The following MKX variants were observed in gnomAD, a reference collection of about 807,000 sequenced individuals.
MKX encodes the protein mohawk homeobox, also known as homeobox protein Mohawk.
In MKX, 13 loss-of-function variants were observed where a neutral mutation model predicts 36.0. The observed-to-expected ratio is 0.36, with a 90% CI of 0.24 to 0.57. The LOEUF (loss-of-function observed/expected upper bound fraction) is 0.57, where lower values mean the gene tolerates loss of function less well. Among genes scored for constraint, MKX ranks in the 20% least tolerant of loss-of-function variants. The pLI is 0.79. For missense variants in MKX, 458 were observed against 456.4 expected (o/e 1.00, Z -0.03); for synonymous variants, 176 against 178.3 (o/e 0.99, Z 0.10).
intron 5 of MKX, among the ~76,000 whole-genome samples, chr10:27,681,707 G>A (rs146887247): frequency 5.5e-4 from 83 of 152,044 alleles, no homozygotes; most frequent in African/African-American, 1.9e-3. Context: ...ATCACTTGAG[G>A]CCAGGAGTTC....
chr10:27,732,019 G>A (rs1266351230), intron 5 of MKX, among the ~76,000 whole-genome samples: 1 of 152,008 alleles, frequency 6.6e-6, no homozygotes, highest in East Asian at 1.9e-4. Flanking sequence ...ATGCACATTT[G>A]TACTGTCATA....
At chr10:27,713,252 C>A (rs1400392385) in intron 5 of MKX, among the ~76,000 whole-genome samples, 1 of 152,146 alleles carries the variant, frequency 6.6e-6, no homozygotes, top group Non-Finnish European at 1.5e-5. Context: ...TAAGGGATTG[C>A]TATTTAGATC....
intron 5 of MKX, among the ~76,000 whole-genome samples, chr10:27,685,039 C>T (rs1836318531): frequency 6.6e-6 from 1 of 152,156 alleles, no homozygotes; most frequent in Admixed American, 6.5e-5. Context: ...GTGACAGCAC[C>T]ACCACCCTTA....
intron 5 of MKX, among the ~76,000 whole-genome samples, chr10:27,730,856 C>T (rs909623138): frequency 2.0e-5 from 3 of 151,544 alleles, no homozygotes; most frequent in Admixed American, 1.3e-4. Flanking sequence ...CCTTGGCAGC[C>T]GGGCGCGGTG....
intron 5 of MKX, among the ~76,000 whole-genome samples, chr10:27,695,464 G>A (rs1218090828): frequency 6.6e-6 from 1 of 151,966 alleles, no homozygotes; most frequent in Non-Finnish European, 1.5e-5. Context: ...TATTTTCCAT[G>A]CACTCAGTAA....
At position 27,733,856 on chromosome 10, in the gene MKX, A is replaced by G. The variant is rs568438652; in HGVS notation, c.838+600T>C. ...GAAGGAAAGTAAAATTTTAAAAGCT[A>G]TTTTTCATCCCTGCTTATGCTTTTC... On this transcript the variant is annotated intron_variant, in intron 5 of 6. Coordinates refer to ENST00000419761, the MANE Select transcript of MKX (RefSeq NM_173576.3). Among the ~76,000 whole-genome samples the G allele has an allele frequency of 9.2e-5, 14 of 152,248 alleles. No homozygotes were observed. The East Asian group carries it at 2.5e-3, about 27-fold the overall frequency.
rs1218764229 is a variant in MKX at position 27,673,050 on chromosome 10, A to T, written c.*2179T>A. 2.0e-5 allele frequency: 3 copies of T among 152,218 alleles called. No individual in the cohort carries two copies. The highest frequency in any genetic ancestry group is 7.2e-5 in the African/African-American group (3 of 41,452). The allele number at this position is 152,218 out of a possible 1,614,324, so 9.4% of individuals were successfully genotyped here. ...GCTCAGCATTGTTCAAGATTCTTTT[A>T]AAGGACTGGGGGGATTTTAATATCC... On this transcript the variant is annotated 3_prime_UTR_variant, in exon 7 of 7. Transcript: ENST00000419761.
At chr10:27,678,721 A>T (rs947934237) in intron 5 of MKX, among the ~76,000 whole-genome samples, 1 of 152,186 alleles carries the variant, frequency 6.6e-6, no homozygotes, top group Non-Finnish European at 1.5e-5. Flanking sequence ...GCTTCTATTT[A>T]AGATGAGGAG....
At chr10:27,721,528 G>A (rs1056703195) in intron 5 of MKX, among the ~76,000 whole-genome samples, 11 of 152,194 alleles carry the variant, frequency 7.2e-5, no homozygotes, top group African/African-American at 2.4e-4. Flanking sequence ...TGCAGGAACA[G>A]AAAACCAAAC....
rs769671412 is a variant in MKX at position 27,675,379 on chromosome 10, C to T, written c.909G>A (p.Thr303=). ...TAGCTGCGTTGATCTCCTTCCAATA[C>T]GTGTCATCCTTGCTTGGTCCTTTTC... ...ANRKGPSKDD[T]YWKEINAAMA... is the part of the protein sequence containing the mutation. The change falls in exon 7 of 7, where the codon ACG becomes ACA. Residue 303 remains threonine, a synonymous_variant. Coordinates refer to ENST00000419761, the MANE Select transcript of MKX (RefSeq NM_173576.3). 4.3e-6 allele frequency: 7 copies of T among 1,614,198 alleles called. No individual in the cohort carries two copies. In the Admixed American group the frequency reaches 6.7e-5, roughly 15 times the overall value.
intron 5 of MKX, among the ~76,000 whole-genome samples, chr10:27,713,063 T>C (rs1179406577): frequency 6.6e-6 from 1 of 152,070 alleles, no homozygotes; most frequent in Non-Finnish European, 1.5e-5. Context: ...TCTTCTGGCG[T>C]TTGAGGAAGG....
intron 5 of MKX, among the ~76,000 whole-genome samples, chr10:27,678,605 CAAATATG>C (rs1409152050): frequency 6.6e-6 from 1 of 152,134 alleles, no homozygotes. Flanking sequence ...CTGTGGCTAT[CAAATATG>C]TTATGGGTTG....
At chr10:27,696,301 G>C (rs2815568) in intron 5 of MKX, among the ~76,000 whole-genome samples, 1,767 of 152,134 alleles carry the variant, frequency 0.012, 19 homozygotes, top group Middle Eastern at 0.034. Context: ...TGGTACTCTC[G>C]TGAAAATTAG....
intron 5 of MKX, 51 bp from the exon 6 acceptor site, chr10:27,675,605 C>T: frequency 1.9e-6 from 3 of 1,558,024 alleles, no homozygotes; most frequent in Non-Finnish European, 2.6e-6. Context: ...CCTTTCTTTT[C>T]TCATCTCAGG....
intron 5 of MKX, among the ~76,000 whole-genome samples, chr10:27,708,055 T>G (rs557753975): frequency 6.6e-6 from 1 of 152,322 alleles, no homozygotes; most frequent in South Asian, 2.1e-4. Context: ...TAAATAACGT[T>G]CTTCTACATT....
intron 3 of MKX, among the ~76,000 whole-genome samples, chr10:27,736,197 A>G (rs1323275169): frequency 6.6e-6 from 1 of 152,162 alleles, no homozygotes; most frequent in Non-Finnish European, 1.5e-5. Flanking sequence ...ACCATTAGAG[A>G]TGAAAAAAGT....
Position 27,675,323 on chromosome 10 carries a change from T to A in MKX, c.965A>T (p.Asp322Val). The A allele has an allele frequency of 6.2e-7, 1 of 1,614,222 alleles. No individual in the cohort carries two copies. The highest frequency in any genetic ancestry group is 1.3e-5 in the African/African-American group (1 of 75,064). Reference sequence around the variant, plus strand: ...GCAGCTGGTAGTTCCCTGCAGTTTGTCCTTTCCCTGTGCAAGATTTGTTAA... The same window carrying A: ...GCAGCTGGTAGTTCCCTGCAGTTTGACCTTTCCCTGTGCAAGATTTGTTAA... ...MALTNLAQGK[D>V]KLQGTTSCII... Residue 322 changes from aspartate (D) to valine (V), a missense_variant, in exon 7 of 7, where the codon GAC becomes GTC. Around this residue, in one of 3 missense-constraint regions of MKX, gnomAD observed 297 missense variants for 304.4 expected, o/e 0.98. Transcript: ENST00000419761.
intron 5 of MKX, among the ~76,000 whole-genome samples, chr10:27,703,934 T>A: frequency 6.6e-6 from 1 of 151,986 alleles, no homozygotes. Flanking sequence ...AGCAAATTTA[T>A]GATGGTAGCA....
chr10:27,708,624 G>A (rs1159523618), intron 5 of MKX, among the ~76,000 whole-genome samples: 1 of 152,016 alleles, frequency 6.6e-6, no homozygotes, highest in Non-Finnish European at 1.5e-5. Flanking sequence ...AGCTACTTGG[G>A]AGGCTGAGGC....
Sources: gnomAD v4.1 joint callset for allele counts (sites outside exome capture counted in the v4.1 genomes callset) on GRCh38, gnomAD v4.1.1 for gene constraint, gnomAD v4.1.1 regional missense constraint, MANE v1.5 for transcripts, NCBI Gene and HGNC (gene_info 2026-07-23, HGNC 2026-07-21) for gene names.